TEX14: variants seen among roughly 807,000 people sequenced by gnomAD.
TEX14 encodes inactive serine/threonine-protein kinase TEX14.
Under a neutral mutation model 178.6 loss-of-function variants are expected in TEX14, and 168 were observed. The observed-to-expected ratio is 0.94, with a 90% CI of 0.83 to 1.07. TEX14 has a LOEUF of 1.07. TEX14 is among the 50% of genes least tolerant of loss of function. The pLI, the probability that TEX14 is intolerant of heterozygous loss-of-function variation, is 0.00. For synonymous variants in TEX14, 626 were observed against 634.1 expected (o/e 0.99, Z 0.19); for missense variants, 1,730 against 1,753.6 (o/e 0.99, Z 0.24).
chr17:58,623,532 A>ACACCTCAGAAAAATTT lies in TEX14; in HGVS notation c.252-536_252-521dup, dbSNP rs1297733640. Among the ~76,000 whole-genome samples, 8 of 152,226 alleles carry ACACCTCAGAAAAATTT rather than the reference A, an allele frequency of 5.3e-5. No homozygotes were observed. The East Asian group carries it at 1.5e-3, about 29-fold the overall frequency. On this transcript the variant is annotated intron_variant, in intron 3 of 31. Coordinates refer to ENST00000349033, the MANE Select transcript of TEX14 (RefSeq NM_031272.5). ...GCATCAGCAATGCAGTCAAGGATCTACACCTCAGAAAAATTTCACCTCAGA... is the reference window on the plus strand; with the variant it reads ...GCATCAGCAATGCAGTCAAGGATCTACACCTCAGAAAAATTTCACCTCAGAAAAATTTCACCTCAGA...
intron 1 of TEX14, among the ~76,000 whole-genome samples, chr17:58,667,127 G>A (rs1598431040): frequency 6.6e-6 from 1 of 152,212 alleles, no homozygotes; most frequent in African/African-American, 2.4e-5. Flanking sequence ...TGAGCTAACA[G>A]ACGTGAATGA....
At chr17:58,566,804 A>G (rs1316214409) in intron 26 of TEX14, among the ~76,000 whole-genome samples, 1 of 151,340 alleles carries the variant, frequency 6.6e-6, no homozygotes, top group Non-Finnish European at 1.5e-5. Flanking sequence ...GTCTCAAAAA[A>G]AAAAAAAAAG....
At position 58,654,926 on chromosome 17, in the gene TEX14, T is replaced by C. The variant is rs533174712; in HGVS notation, c.-1-2924A>G. The stretch of plus-strand genomic sequence containing the variant: ...GGCACCCCAAAATGTGCTGGGATTA[T>C]AGGCGTGAGTCACCGCGCCTGGCCA... On this transcript the variant is annotated intron_variant, in intron 1 of 31. Coordinates refer to ENST00000349033, the MANE Select transcript of TEX14 (RefSeq NM_031272.5). 2.2e-4 allele frequency among the ~76,000 whole-genome samples: 34 copies of C among 152,066 alleles called. No homozygotes were observed. The South Asian group carries it at 7.1e-3, about 32-fold the overall frequency.
intron 2 of TEX14, among the ~76,000 whole-genome samples, chr17:58,637,532 C>T (rs765628922): frequency 3.9e-5 from 6 of 152,144 alleles, no homozygotes; most frequent in Non-Finnish European, 5.9e-5. Context: ...ACCATACCTA[C>T]GTAATGAAGT....
chr17:58,643,327 C>T (rs1474070455), intron 2 of TEX14, among the ~76,000 whole-genome samples: 4 of 152,184 alleles, frequency 2.6e-5, no homozygotes, highest in African/African-American at 9.7e-5. Context: ...GCTTCTGGCT[C>T]AGATATCCAG....
At chr17:58,614,448 C>A (rs2045823506) in intron 8 of TEX14, among the ~76,000 whole-genome samples, 1 of 152,190 alleles carries the variant, frequency 6.6e-6, no homozygotes, top group African/African-American at 2.4e-5. Context: ...CTAGATGGTG[C>A]CACTGCACTC....
intron 30 of TEX14, among the ~76,000 whole-genome samples, chr17:58,558,395 G>A (rs537503131): frequency 6.2e-4 from 95 of 152,294 alleles, no homozygotes; most frequent in African/African-American, 2.2e-3. Context: ...TACAGAAGCC[G>A]CACTTGTGGA....
intron 3 of TEX14, among the ~76,000 whole-genome samples, chr17:58,625,414 C>T (rs1207855904): frequency 2.6e-5 from 4 of 152,190 alleles, no homozygotes; most frequent in Non-Finnish European, 4.4e-5. Flanking sequence ...GGATTACAGG[C>T]ATGAGCCACT....
rs528470759 is a variant in TEX14 at position 58,684,323 on chromosome 17, A to G, written c.-2+7616T>C. 3.3e-4 allele frequency among the ~76,000 whole-genome samples: 50 copies of G among 151,688 alleles called. No homozygotes were observed. In the East Asian group the frequency reaches 8.6e-3, roughly 26 times the overall value. On this transcript the variant is annotated intron_variant, in intron 1 of 31. Transcript: ENST00000349033. Reference sequence around the variant, plus strand: ...CTAAAAATACAAAAATTAGTGAGGCATGGTGGTGGGTGCCTGTAATCCCAG... The same window carrying G: ...CTAAAAATACAAAAATTAGTGAGGCGTGGTGGTGGGTGCCTGTAATCCCAG...
intron 28 of TEX14, among the ~76,000 whole-genome samples, chr17:58,563,370 C>T (rs1974586): frequency 0.23 from 34,125 of 151,612 alleles, 4,171 homozygotes; most frequent in South Asian, 0.33. Context: ...CTTCTAAGGC[C>T]TTTAACTAAA....
chr17:58,629,758 T>C lies in TEX14; in HGVS notation c.251+682A>G, dbSNP rs1598400498. 4.8e-5 allele frequency among the ~76,000 whole-genome samples: 7 copies of C among 145,976 alleles called. No individual in the cohort carries two copies. The South Asian group carries it at 1.3e-3, about 27-fold the overall frequency. On this transcript the variant is annotated intron_variant, in intron 3 of 31. Coordinates refer to ENST00000349033, the MANE Select transcript of TEX14 (RefSeq NM_031272.5). ...GCTGAGGCAGGAGAATGGCGTGAAC[T>C]CGGGAGGCAGAGCTTGCAGTGAGCC...
chr17:58,670,335 A>G (rs9898873), intron 1 of TEX14, among the ~76,000 whole-genome samples: 78 of 152,044 alleles, frequency 5.1e-4, no homozygotes, highest in African/African-American at 1.8e-3. Flanking sequence ...CTATCCATCT[A>G]TCTATAGGAT....
intron 2 of TEX14, among the ~76,000 whole-genome samples, chr17:58,643,385 A>G (rs2046617888): frequency 6.6e-6 from 1 of 152,152 alleles, no homozygotes; most frequent in South Asian, 2.1e-4. Context: ...TCTCAAATAC[A>G]GCCTACCCAA....
chr17:58,597,810 T>C (rs556158022), intron 14 of TEX14, among the ~76,000 whole-genome samples: 10 of 152,320 alleles, frequency 6.6e-5, no homozygotes, highest in Admixed American at 5.2e-4. Flanking sequence ...GTCACCATGC[T>C]AGGTGCTGGG....
chr17:58,669,715 C>G (rs955160336), intron 1 of TEX14, among the ~76,000 whole-genome samples: 1 of 113,244 alleles, frequency 8.8e-6, no homozygotes, highest in African/African-American at 3.5e-5. Context: ...GACTGGGCAA[C>G]AGAGAGAGAC....
chr17:58,623,077 T>C (rs1367917652), intron 3 of TEX14, 65 bp from the exon 4 acceptor site: 16 of 1,480,684 alleles, frequency 1.1e-5, no homozygotes, highest in Non-Finnish European at 1.5e-5. Flanking sequence ...GGAGCGGGGC[T>C]CAGCGTGCAA....
chr17:58,564,180 C>T (rs1005574160), intron 28 of TEX14: 3 of 152,120 alleles, frequency 2.0e-5, no homozygotes, highest in African/African-American at 7.2e-5. Context: ...AATACCATTT[C>T]TGGGTATATA....
Position 58,560,389 on chromosome 17 carries a change from C to T in TEX14, c.4158-827G>A, listed in dbSNP as rs550121832. Reference sequence around the variant, plus strand: ...TGGAGGAGGCCTTTGGGTTATATTCCGCCCCCGTTCAAATGCCCAGGACAG... The same window carrying T: ...TGGAGGAGGCCTTTGGGTTATATTCTGCCCCCGTTCAAATGCCCAGGACAG... On this transcript the variant is annotated intron_variant, in intron 29 of 31. Coordinates refer to ENST00000349033, the MANE Select transcript of TEX14 (RefSeq NM_031272.5). Among the ~76,000 whole-genome samples, 13 of 152,220 alleles carry T rather than the reference C, an allele frequency of 8.5e-5. No individual in the cohort carries two copies. The South Asian group carries it at 1.5e-3, about 17-fold the overall frequency.
chr17:58,679,019 TG>T (rs2047442877), intron 1 of TEX14, among the ~76,000 whole-genome samples: 1 of 151,882 alleles, frequency 6.6e-6, no homozygotes, highest in Non-Finnish European at 1.5e-5. Context: ...CAAGGCGTGG[TG>T]GCGTGTGCCT....
Sources: allele counts gnomAD v4.1 joint callset (sites outside exome capture counted in the v4.1 genomes callset), GRCh38; gene constraint gnomAD v4.1.1; transcripts MANE v1.5; gene names NCBI Gene and HGNC (gene_info 2026-07-23, HGNC 2026-07-21).